The following SDK1 variants were observed in gnomAD, a reference collection of about 807,000 sequenced individuals.
SDK1 encodes sidekick cell adhesion molecule 1, also known as protein sidekick-1.
Under a neutral mutation model 245.5 loss-of-function variants are expected in SDK1, and 157 were observed. The ratio of observed to expected loss-of-function variants is 0.64; its 90% confidence interval spans 0.56 to 0.73. The LOEUF (loss-of-function observed/expected upper bound fraction) is 0.73, where lower values mean the gene tolerates loss of function less well. SDK1 is among the 30% of genes least tolerant of loss of function. The pLI is 0.00. For synonymous variants in SDK1, 1,647 were observed against 1,278.5 expected (o/e 1.29, Z -6.15); for missense variants, 3,583 against 3,002.3 (o/e 1.19, Z -4.52).
intron 1 of SDK1, chr7:3,338,575 T>C (rs2128553484): frequency 3.5e-6 from 1 of 283,384 alleles, no homozygotes. Flanking sequence ...GCTGCTGGGG[T>C]GTCTCTCCTA....
At chr7:3,797,946 C>G (rs368522280) in intron 4 of SDK1, among the ~76,000 whole-genome samples, 2 of 152,100 alleles carry the variant, frequency 1.3e-5, no homozygotes, top group South Asian at 4.1e-4. Context: ...TAACTTGAGA[C>G]TTATAAAAGA....
intron 25 of SDK1, among the ~76,000 whole-genome samples, chr7:4,124,574 G>C (rs10951436): frequency 0.2 from 31,130 of 152,196 alleles, 4,176 homozygotes; most frequent in East Asian, 0.73. Context: ...TGCAACAACT[G>C]TGTCTCCAAA....
intron 28 of SDK1, among the ~76,000 whole-genome samples, chr7:4,143,411 GC>G (rs1779715022): frequency 6.6e-6 from 1 of 152,118 alleles, no homozygotes; most frequent in African/African-American, 2.4e-5. Flanking sequence ...ACCAGGCATG[GC>G]TGTGCCAGCC....
intron 4 of SDK1, among the ~76,000 whole-genome samples, chr7:3,692,280 A>T (rs1450357103): frequency 1.3e-5 from 2 of 152,144 alleles, no homozygotes; most frequent in Non-Finnish European, 2.9e-5. Context: ...GTAACCTAAG[A>T]TATCCCACCA....
chr7:3,600,557 T>TTG lies in SDK1; in HGVS notation c.299-18522_299-18521insGT, dbSNP rs1554296029. Among the ~76,000 whole-genome samples the TTG allele has an allele frequency of 9.2e-4, 133 of 144,580 alleles. 1 individual carries two copies. The highest frequency in any genetic ancestry group is 1.2e-4 in the Non-Finnish European group (8 of 66,316). The allele number at this position is 144,580 out of a possible 152,430, so 94.9% of individuals were successfully genotyped here. Reference sequence around the variant, plus strand: ...AAGTGTGATATTAGATGTAGTTTTTTTTTTTTTTTTTTTTTGAGATGGAGT... The same window carrying TTG: ...AAGTGTGATATTAGATGTAGTTTTTTTGTTTTTTTTTTTTTTTGAGATGGAGT... On this transcript the variant is annotated intron_variant, in intron 1 of 44. Transcript: ENST00000404826.
Position 4,265,904 on chromosome 7 carries a change from G to T in SDK1, c.*520G>T, listed in dbSNP as rs1040275213. The T allele has an allele frequency of 2.0e-6, 2 of 986,256 alleles. No homozygotes were observed. The highest frequency in any genetic ancestry group is 4.7e-5 in the South Asian group (1 of 21,312). 61.1% of individuals were successfully genotyped at this position (986,256 alleles called of 1,614,324 possible). ...AAACGTTTTTCCCTGGGCTCAGTGC[G>T]TTTTGTCCCAACTTCATCTGTTTCT... On this transcript the variant is annotated 3_prime_UTR_variant, in exon 45 of 45. Transcript: ENST00000404826.
Position 4,120,479 on chromosome 7 carries a change from C to G in SDK1, c.3823+6205C>G, listed in dbSNP as rs138018015. 3.2e-3 allele frequency among the ~76,000 whole-genome samples: 477 copies of G among 148,962 alleles called. 32 individuals carry two copies. The highest frequency in any genetic ancestry group is 0.011 in the African/African-American group (454 of 40,846). On this transcript the variant is annotated intron_variant, in intron 25 of 44. Coordinates refer to ENST00000404826, the MANE Select transcript of SDK1 (RefSeq NM_152744.4). ...ATAATAATCTCGAAGGAGCTAAAAG[C>G]AAATAACTGCCAACCTCAAATTTTA... is the stretch of plus-strand genomic sequence containing the variant.
At chr7:4,040,542 C>G (rs536994162) in intron 17 of SDK1, among the ~76,000 whole-genome samples, 54 of 152,300 alleles carry the variant, frequency 3.5e-4, no homozygotes, top group Non-Finnish European at 6.3e-4. Flanking sequence ...GAGAAGAGCT[C>G]TCTCCTGCAG....
chr7:3,592,768 C>G (rs996679987), intron 1 of SDK1, among the ~76,000 whole-genome samples: 9 of 152,178 alleles, frequency 5.9e-5, no homozygotes, highest in Non-Finnish European at 1.3e-4. Context: ...TCTATCGTAG[C>G]TCCAGAATCT....
At position 3,493,427 on chromosome 7, in the gene SDK1, T is replaced by G. The variant is rs562971922; in HGVS notation, c.299-125653T>G. Among the ~76,000 whole-genome samples, 7 of 152,350 alleles carry G rather than the reference T, an allele frequency of 4.6e-5. No homozygotes were observed. The South Asian group carries it at 8.3e-4, about 18-fold the overall frequency. On this transcript the variant is annotated intron_variant, in intron 1 of 44. Coordinates refer to ENST00000404826, the MANE Select transcript of SDK1 (RefSeq NM_152744.4). ...AGATTTTAATGGATGCTTATAGTTT[T>G]GTTCTCAAAGAAAATTAAAAATATT...
chr7:3,372,160 A>AT (rs1781243694), intron 1 of SDK1, among the ~76,000 whole-genome samples: 1 of 152,110 alleles, frequency 6.6e-6, no homozygotes, highest in East Asian at 1.9e-4. Flanking sequence ...CCACCCTTAG[A>AT]TTTTAGGTTA....
chr7:4,170,286 A>C (rs1781755942), intron 32 of SDK1, among the ~76,000 whole-genome samples: 1 of 152,140 alleles, frequency 6.6e-6, no homozygotes, highest in African/African-American at 2.4e-5. Flanking sequence ...ATCTCTACAG[A>C]AAATTTAAAA....
chr7:3,794,248 TC>T (rs1310994437), intron 4 of SDK1, among the ~76,000 whole-genome samples: 8 of 152,310 alleles, frequency 5.3e-5, no homozygotes, highest in Middle Eastern at 3.4e-3. Flanking sequence ...GAATGTCCCT[TC>T]CCACATCTCC....
intron 1 of SDK1, among the ~76,000 whole-genome samples, chr7:3,431,024 C>G (rs1422445047): frequency 6.6e-6 from 1 of 152,200 alleles, no homozygotes; most frequent in Non-Finnish European, 1.5e-5. Context: ...CCTCAGCCTC[C>G]TGAATAGCTG....
intron 14 of SDK1, among the ~76,000 whole-genome samples, chr7:3,996,575 A>G (rs1784711822): frequency 6.6e-6 from 1 of 152,130 alleles, no homozygotes; most frequent in Non-Finnish European, 1.5e-5. Flanking sequence ...CTTTTTTGTC[A>G]AGGTTGTCCT....
intron 4 of SDK1, among the ~76,000 whole-genome samples, chr7:3,785,634 C>G (rs1237665006): frequency 2.0e-5 from 3 of 151,990 alleles, no homozygotes; most frequent in Non-Finnish European, 4.4e-5. Flanking sequence ...AAGTAACTGT[C>G]TACTGGATGG....
At chr7:3,763,096 A>G (rs1220698210) in intron 4 of SDK1, among the ~76,000 whole-genome samples, 1 of 152,232 alleles carries the variant, frequency 6.6e-6, no homozygotes, top group Admixed American at 6.5e-5. Context: ...TCACTTAAAA[A>G]TAAGCCTCCT....
In SDK1 at chr7:4,267,167, T is replaced by G. The variant is rs1448323202; in HGVS notation, c.*1783T>G. Reference sequence around the variant, plus strand: ...ATTAGAGGGTATGGCAAGTTTCCTTTTTTCTCTCCTCCCTTCCTTCCCCTC... The same window carrying G: ...ATTAGAGGGTATGGCAAGTTTCCTTGTTTCTCTCCTCCCTTCCTTCCCCTC... On this transcript the variant is annotated 3_prime_UTR_variant, in exon 45 of 45. Coordinates refer to ENST00000404826, the MANE Select transcript of SDK1 (RefSeq NM_152744.4). 2 of 983,332 alleles carry G rather than the reference T, an allele frequency of 2.0e-6. No individual in the cohort carries two copies. The highest frequency in any genetic ancestry group is 2.4e-6 in the Non-Finnish European group (2 of 828,328). 60.9% of individuals were successfully genotyped at this position (983,332 alleles called of 1,614,324 possible).
chr7:3,556,058 A>G (rs1363708295), intron 1 of SDK1, among the ~76,000 whole-genome samples: 1 of 152,216 alleles, frequency 6.6e-6, no homozygotes, highest in Non-Finnish European at 1.5e-5. Flanking sequence ...CAGCAAAGCC[A>G]CTGTTAGGTA....
Sources: allele counts gnomAD v4.1 joint callset (sites outside exome capture counted in the v4.1 genomes callset), GRCh38; gene constraint gnomAD v4.1.1; transcripts MANE v1.5; gene names NCBI Gene and HGNC (gene_info 2026-07-23, HGNC 2026-07-21).